Variants in ZAP70 observed in about 807,000 individuals in gnomAD.
ZAP70 encodes tyrosine-protein kinase ZAP-70.
In ZAP70, 27 loss-of-function variants were observed where a neutral mutation model predicts 65.8. The ratio of observed to expected loss-of-function variants is 0.41; its 90% CI spans 0.30 to 0.57. The LOEUF is 0.57. Ranked by LOEUF, ZAP70 falls within the 20% of genes least tolerant of loss-of-function variation. The probability of loss-of-function intolerance (pLI) is 0.28; values close to 1 mark genes in which losing one functional copy is unlikely to be tolerated. For missense variants in ZAP70, 696 were observed against 870.5 expected, an observed-to-expected ratio of 0.80 and a Z score of 2.52; for synonymous variants, 363 against 360.8, an observed-to-expected ratio of 1.01 and a Z score of -0.07.
chr2:97,751,242 G>A, the ZAP70 span, among the ~76,000 whole-genome samples: 4 of 152,296 alleles, frequency 2.6e-5, no homozygotes, highest in African/African-American at 7.2e-5. Flanking sequence ...AATAAATTTC[G>A]TGTCTTTGTG....
At chr2:97,729,893 T>A (rs1421801334) in intron 4 of ZAP70, among the ~76,000 whole-genome samples, 1 of 152,206 alleles carries the variant, frequency 6.6e-6, no homozygotes, top group African/African-American at 2.4e-5. Context: ...TGTGTAACAA[T>A]GTGCTGTATT....
intron 3 of ZAP70, chr2:97,724,820 T>C: frequency 6.6e-7 from 1 of 1,514,088 alleles, no homozygotes; most frequent in Non-Finnish European, 8.8e-7. Flanking sequence ...GTCCACAGCC[T>C]GAGTGACACC....
chr2:97,718,945 G>T (rs920840340), intron 2 of ZAP70, among the ~76,000 whole-genome samples: 2 of 152,200 alleles, frequency 1.3e-5, no homozygotes, highest in African/African-American at 4.8e-5. Context: ...AGAGGGAAGG[G>T]TGCACTAGGT....
At chr2:97,740,173 A>AC, downstream of ZAP70, among the ~76,000 whole-genome samples, 1 of 151,812 alleles carries the variant, frequency 6.6e-6, no homozygotes, top group Middle Eastern at 3.4e-3. Flanking sequence ...ATTTTAACAA[A>AC]CGCTAACCCC....
intron 13 of ZAP70, 140 bp from the exon 14 acceptor site, chr2:97,739,235 T>C (rs1678040182): frequency 7.4e-7 from 1 of 1,351,620 alleles, no homozygotes; most frequent in African/African-American, 1.4e-5. Flanking sequence ...CACCACCCAA[T>C]GTCCCGCCAC....
At chr2:97,748,605 G>C in the ZAP70 span, among the ~76,000 whole-genome samples, 1 of 152,144 alleles carries the variant, frequency 6.6e-6, no homozygotes, top group African/African-American at 2.4e-5. Context: ...TCTGTGCTGC[G>C]ACTGGCTGCG....
chr2:97,741,846 A>G (rs1468445063), downstream of ZAP70, among the ~76,000 whole-genome samples: 2 of 152,218 alleles, frequency 1.3e-5, no homozygotes, highest in African/African-American at 2.4e-5. Context: ...GACGTGTGTC[A>G]TGAGGCACAC....
chr2:97,725,278 C>T lies in ZAP70; in HGVS notation c.563+26C>T. The stretch of plus-strand genomic sequence containing the variant: ...GTATGTGGGGCCCGGGATTTGGGTG[C>T]GGTGAGGATTGGGGCTCGTTGGCAG... On this transcript the variant is annotated intron_variant, in intron 4 of 13. Transcript: ENST00000264972. 5.0e-6 allele frequency: 8 copies of T among 1,609,206 alleles called. No homozygotes were observed. In the Middle Eastern group the frequency reaches 1.3e-3, roughly 266 times the overall value.
chr2:97,735,198 G>A (rs1440826583), intron 9 of ZAP70, 52 bp from the exon 10 acceptor site: 19 of 1,604,890 alleles, frequency 1.2e-5, no homozygotes, highest in East Asian at 2.2e-5. Flanking sequence ...GTGTGGGGCC[G>A]AGCAGGGCCG....
At chr2:97,741,091 A>G (rs1678116235), downstream of ZAP70, among the ~76,000 whole-genome samples, 1 of 152,140 alleles carries the variant, frequency 6.6e-6, no homozygotes, top group Non-Finnish European at 1.5e-5. Context: ...TTTCTACGGA[A>G]CATGTTCTGC....
In ZAP70 at chr2:97,733,355, G is replaced by GCCA; in HGVS notation, c.837+13_837+14insCAC. 1 of 1,590,608 alleles carries GCCA rather than the reference G, an allele frequency of 6.3e-7. No homozygotes were observed. Among genetic ancestry groups the GCCA allele is most frequent in the East Asian group, 2.2e-5 (1 of 44,470 alleles). On this transcript the variant is annotated intron_variant, in intron 7 of 13. Transcript: ENST00000264972. ...CCACGTTGACTCATGTGAGTTGGGG[G>GCCA]CACCTGGAGTGTGGCCTTGGGGATG...
chr2:97,751,742 T>C, the ZAP70 span, among the ~76,000 whole-genome samples: 1 of 152,192 alleles, frequency 6.6e-6, no homozygotes, highest in Non-Finnish European at 1.5e-5. Flanking sequence ...GCTGAGGGCC[T>C]TGGGCTGGGT....
chr2:97,716,147 C>T (rs1676902423), intron 2 of ZAP70, among the ~76,000 whole-genome samples: 1 of 152,164 alleles, frequency 6.6e-6, no homozygotes, highest in Non-Finnish European at 1.5e-5. Flanking sequence ...GGATGCAGCG[C>T]AGTTCTGGGC....
intron 2 of ZAP70, among the ~76,000 whole-genome samples, chr2:97,717,461 G>A (rs1573249310): frequency 6.8e-6 from 1 of 147,642 alleles, no homozygotes; most frequent in Non-Finnish European, 1.5e-5. Context: ...GGGGACACGA[G>A]GAGCCTCTGA....
chr2:97,752,297 T>C, the ZAP70 span, among the ~76,000 whole-genome samples: 1 of 152,246 alleles, frequency 6.6e-6, no homozygotes. Flanking sequence ...TTATTGGCAA[T>C]ACCTCTAAAA....
Position 97,734,726 on chromosome 2 carries a change from T to G in ZAP70, c.1082+14T>G. 6.2e-7 allele frequency: 1 copy of G among 1,612,956 alleles called. No homozygotes were observed. The highest frequency in any genetic ancestry group is 8.5e-7 in the Non-Finnish European group (1 of 1,179,846). Reference sequence around the variant, plus strand: ...CCGCATGCGCAAGTATGGCCGCCCCTGCCGTGGTGGGAGCACCGCCGCCTG... The same window carrying G: ...CCGCATGCGCAAGTATGGCCGCCCCGGCCGTGGTGGGAGCACCGCCGCCTG... On this transcript the variant is annotated intron_variant, in intron 9 of 13. Transcript: ENST00000264972.
rs199639448 is a variant in ZAP70, at chr2:97,737,713, G to A, written c.1483-44G>A. 6.2e-7 allele frequency: 1 copy of A among 1,613,968 alleles called. No individual in the cohort carries two copies. Among genetic ancestry groups the A allele is most frequent in the African/African-American group, 1.3e-5 (1 of 74,928 alleles). On this transcript the variant is annotated intron_variant, in intron 11 of 13. Transcript: ENST00000264972. This position sits in a 1 kb window ranked among gnomAD's most constrained non-coding sequence, Gnocchi z 5.0. ...CCCGACTGGATGGGCTGGGTGGGTA[G>A]AGGGTCCCTGACCCCTGATCCAGCA...
chr2:97,750,884 G>A, the ZAP70 span, among the ~76,000 whole-genome samples: 1 of 152,184 alleles, frequency 6.6e-6, no homozygotes, highest in African/African-American at 2.4e-5. Context: ...AGAGCAGAGT[G>A]GTCTCGTTTA....
In ZAP70 at chr2:97,718,227, G is replaced by A. The variant is rs192745675; in HGVS notation, c.-22+4233G>A. Among the ~76,000 whole-genome samples the A allele has an allele frequency of 7.2e-5, 11 of 152,284 alleles. No individual in the cohort carries two copies. In the East Asian group the frequency reaches 1.7e-3, roughly 24 times the overall value. On this transcript the variant is annotated intron_variant, in intron 2 of 13. Transcript: ENST00000264972. ...TTCTGGGAGGGCCACGAGTCTGCAG[G>A]GACACAGCTGAGAACAGAAACATTT...
Sources: allele counts gnomAD v4.1 joint callset (sites outside exome capture counted in the v4.1 genomes callset), GRCh38; gene constraint gnomAD v4.1.1; non-coding constraint Gnocchi (gnomAD v3.1); transcripts MANE v1.5; gene names NCBI Gene and HGNC (gene_info 2026-07-23, HGNC 2026-07-21).